LRP6: variants seen among roughly 807,000 people sequenced by gnomAD.
The protein encoded by LRP6 is LDL receptor related protein 6, also known as low-density lipoprotein receptor-related protein 6.
Under a neutral mutation model 184.1 loss-of-function variants are expected in LRP6, and 43 were observed. That is an observed-to-expected ratio of 0.23 (90% CI 0.18 to 0.30). The LOEUF (loss-of-function observed/expected upper bound fraction) is 0.30, where lower values mean the gene tolerates loss of function less well. LRP6 is among the 10% of genes least tolerant of loss of function. The probability of loss-of-function intolerance (pLI) is 1.00; values close to 1 mark genes in which losing one functional copy is unlikely to be tolerated. For synonymous variants in LRP6, 719 were observed against 684.9 expected, an observed-to-expected ratio of 1.05 and a Z score of -0.78; for missense variants, 1,571 against 2,005.3, an observed-to-expected ratio of 0.78 and a Z score of 4.14.
Position 12,164,532 on chromosome 12 carries a change from C to T in LRP6, c.1793G>A (p.Gly598Glu), listed in dbSNP as rs778824645. 1.3e-5 allele frequency: 21 copies of T among 1,613,960 alleles called. No homozygotes were observed. The highest frequency in any genetic ancestry group is 1.5e-5 in the Non-Finnish European group (18 of 1,180,016). The change falls in exon 9 of 23, where the codon GGA (glycine) becomes GAA (glutamate). Residue 598 changes from glycine to glutamate, a missense_variant. This residue lies in a region of LRP6 where 640 missense variants were observed against 851.9 expected (regional missense o/e 0.75). Transcript: ENST00000261349. ...TCTATAGAGGCAGAGATGGCTACATCCCCCGTTTTCCTCAGCACAGGGGTT... is the reference window on the plus strand; with the variant it reads ...TCTATAGAGGCAGAGATGGCTACATTCCCCGTTTTCCTCAGCACAGGGGTT... ...GSNPCAEENG[G>E]CSHLCLYRPQ...
chr12:12,188,128 T>C (rs983973614), intron 3 of LRP6, among the ~76,000 whole-genome samples: 4 of 151,378 alleles, frequency 2.6e-5, no homozygotes, highest in Non-Finnish European at 5.9e-5. Flanking sequence ...AGAGAACTGC[T>C]TGAATCCAGG....
At chr12:12,233,107 C>A (rs1864834015) in intron 2 of LRP6, among the ~76,000 whole-genome samples, 1 of 152,094 alleles carries the variant, frequency 6.6e-6, no homozygotes, top group African/African-American at 2.4e-5. Context: ...CTAATCAAGT[C>A]TTCAAATCTT....
At chr12:12,249,421 C>A (rs770088155) in intron 1 of LRP6, 2 of 797,188 alleles carry the variant, frequency 2.5e-6, no homozygotes, top group Non-Finnish European at 2.2e-6. Flanking sequence ...GACAGTGTTA[C>A]AGCAACTAAT....
chr12:12,255,566 C>CTTTTTTTTTTTTTTTTT (rs749441005), intron 1 of LRP6, among the ~76,000 whole-genome samples: 1 of 114,132 alleles, frequency 8.8e-6, no homozygotes, highest in African/African-American at 3.5e-5. Flanking sequence ...GGTTTGGTCA[C>CTTTTTTTTTTTTTTTTT]TTTTTTTTTT....
intron 2 of LRP6, among the ~76,000 whole-genome samples, chr12:12,243,875 C>T (rs955166421): frequency 6.6e-6 from 1 of 152,130 alleles, no homozygotes; most frequent in Non-Finnish European, 1.5e-5. Context: ...CTCAGCCACC[C>T]GTCTAGCTAG....
intron 15 of LRP6, among the ~76,000 whole-genome samples, chr12:12,145,706 A>G (rs1172364431): frequency 2.2e-5 from 3 of 136,406 alleles, no homozygotes; most frequent in Non-Finnish European, 3.0e-5. Context: ...GTCTTGACTC[A>G]CTGCAACCAC....
At chr12:12,258,811 G>C (rs1865537998) in intron 1 of LRP6, among the ~76,000 whole-genome samples, 1 of 152,202 alleles carries the variant, frequency 6.6e-6, no homozygotes, top group Non-Finnish European at 1.5e-5. Flanking sequence ...TCATTAGTGA[G>C]GAAGACTCCT....
chr12:12,148,085 T>C (rs1950034428), intron 14 of LRP6, among the ~76,000 whole-genome samples: 1 of 150,612 alleles, frequency 6.6e-6, no homozygotes, highest in South Asian at 2.1e-4. Context: ...TATAAATATA[T>C]ACATATCTAT....
intron 3 of LRP6, among the ~76,000 whole-genome samples, chr12:12,198,812 G>A (rs1863839378): frequency 6.6e-6 from 1 of 151,832 alleles, no homozygotes; most frequent in Non-Finnish European, 1.5e-5. Context: ...GGGATTATAG[G>A]CGTGAGTCAT....
At chr12:12,260,232 A>G (rs1026270343) in intron 1 of LRP6, among the ~76,000 whole-genome samples, 1 of 152,076 alleles carries the variant, frequency 6.6e-6, no homozygotes, top group Non-Finnish European at 1.5e-5. Flanking sequence ...AAAAAAAATT[A>G]GCCGGGCGTG....
chr12:12,191,401 ATTATTTT>A (rs1863612226), intron 3 of LRP6, among the ~76,000 whole-genome samples: 1 of 152,228 alleles, frequency 6.6e-6, no homozygotes, highest in South Asian at 2.1e-4. Flanking sequence ...GCTAGCTGCC[ATTATTTT>A]TTAAACACAT....
At chr12:12,159,204 T>A (rs756364344) in intron 11 of LRP6, 49 bp from the exon 12 acceptor site, 87 of 1,401,590 alleles carry the variant, frequency 6.2e-5, no homozygotes, top group Admixed American at 1.0e-4. Context: ...TGATGAAATA[T>A]GTGAGAATAC....
intron 12 of LRP6, among the ~76,000 whole-genome samples, chr12:12,151,311 A>C (rs1950077143): frequency 6.6e-6 from 1 of 152,092 alleles, no homozygotes; most frequent in Non-Finnish European, 1.5e-5. Flanking sequence ...ATACCACAGA[A>C]AACTTCATTT....
Position 12,186,658 on chromosome 12 carries a change from C to CTTTT in LRP6, c.844+261_844+264dup, listed in dbSNP as rs34355990. 544 of 289,056 alleles carry CTTTT rather than the reference C, an allele frequency of 1.9e-3. 2 individuals are homozygous for CTTTT. Among genetic ancestry groups the CTTTT allele is most frequent in the South Asian group, 4.6e-3 (129 of 28,138 alleles). 17.9% of individuals were successfully genotyped at this position (289,056 alleles called of 1,614,324 possible). A position where few individuals can be genotyped will look rare whatever the true frequency, so the allele number is the denominator to read the frequency against. ...GTCTCCCAAAGTGCTGGGATTTTAA[C>CTTTT]TTTTTTTTTTTTTTTTTTGAGACAC... is the stretch of plus-strand genomic sequence containing the variant. On this transcript the variant is annotated intron_variant, in intron 4 of 22. Transcript: ENST00000261349.
chr12:12,159,447 A>G (rs1427765895), intron 11 of LRP6, among the ~76,000 whole-genome samples: 1 of 152,180 alleles, frequency 6.6e-6, no homozygotes, highest in Non-Finnish European at 1.5e-5. Context: ...TTTTCTCTAT[A>G]TAAGGGTCTA....
chr12:12,237,875 C>T (rs180673798), intron 2 of LRP6, among the ~76,000 whole-genome samples: 1 of 152,078 alleles, frequency 6.6e-6, no homozygotes, highest in Non-Finnish European at 1.5e-5. Context: ...ATGGGGAAAA[C>T]GGAGAAATTC....
At chr12:12,160,130 C>T (rs913250529) in intron 10 of LRP6, among the ~76,000 whole-genome samples, 166 bp from the exon 11 acceptor site, 4 of 152,110 alleles carry the variant, frequency 2.6e-5, no homozygotes, top group Non-Finnish European at 4.4e-5. Context: ...TTTTGGCACC[C>T]TAAACTAAAT....
At chr12:12,222,635 C>T (rs1490681758) in intron 2 of LRP6, among the ~76,000 whole-genome samples, 1 of 151,630 alleles carries the variant, frequency 6.6e-6, no homozygotes, top group Non-Finnish European at 1.5e-5. Flanking sequence ...CCAAGACCCG[C>T]GGTGGATGCC....
rs569629044 is a variant in LRP6 at position 12,120,274 on chromosome 12, C to T, written c.*852G>A. ...GAGCTAAGCCTACTGGGGAATGGAGCTAGAAGAAATATTAAAATCAAGTTT... is the reference window on the plus strand; with the variant it reads ...GAGCTAAGCCTACTGGGGAATGGAGTTAGAAGAAATATTAAAATCAAGTTT... On this transcript the variant is annotated 3_prime_UTR_variant, in exon 23 of 23. Transcript: ENST00000261349. 1.3e-5 allele frequency: 2 copies of T among 151,682 alleles called. No homozygotes were observed. The highest frequency in any genetic ancestry group is 4.2e-4 in the South Asian group (2 of 4,804). 9.4% of individuals were successfully genotyped at this position (151,682 alleles called of 1,614,324 possible). A position where few individuals can be genotyped will look rare whatever the true frequency, so the allele number is the denominator to read the frequency against.
Sources: allele counts gnomAD v4.1 joint callset (sites outside exome capture counted in the v4.1 genomes callset), GRCh38; gene constraint gnomAD v4.1.1; regional missense constraint gnomAD v4.1.1; transcripts MANE v1.5; gene names NCBI Gene and HGNC (gene_info 2026-07-23, HGNC 2026-07-21).